Variants in TBC1D32 observed in about 807,000 individuals in gnomAD.
TBC1D32 encodes TBC1 domain family member 32, also known as protein broad-minded.
A neutral mutation model predicts 170.3 loss-of-function variants in TBC1D32; 151 were observed. The ratio of observed to expected loss-of-function variants is 0.89; its 90% CI spans 0.78 to 1.01. TBC1D32 has a LOEUF of 1.01. Among genes scored for constraint, TBC1D32 ranks in the 50% least tolerant of loss-of-function variants. The pLI is 0.00. For synonymous variants in TBC1D32, 498 were observed against 488.0 expected (o/e 1.02, Z -0.27); for missense variants, 1,464 against 1,457.1 (o/e 1.00, Z -0.08).
At chr6:121,305,422 T>A (rs891263410) in intron 5 of TBC1D32, among the ~76,000 whole-genome samples, 1 of 152,040 alleles carries the variant, frequency 6.6e-6, no homozygotes, top group African/African-American at 2.4e-5. Context: ...ATGGTAGCTA[T>A]TATTATCCCT....
intron 22 of TBC1D32, among the ~76,000 whole-genome samples, chr6:121,173,252 C>T (rs1185405059): frequency 6.6e-6 from 1 of 152,146 alleles, no homozygotes; most frequent in Non-Finnish European, 1.5e-5. Context: ...TGGCCTCCAA[C>T]ATTGAACTCC....
Position 121,255,312 on chromosome 6 carries a change from C to T in TBC1D32, c.2018+16G>A, listed in dbSNP as rs748343449. 27 of 1,461,836 alleles carry T rather than the reference C, an allele frequency of 1.8e-5. No individual in the cohort carries two copies. Among genetic ancestry groups the T allele is most frequent in the South Asian group, 2.6e-5 (2 of 76,880 alleles). 90.6% of individuals were successfully genotyped at this position (1,461,836 alleles called of 1,614,324 possible). ...GCAAATATAATAAATGCATGACTTT[C>T]ATCAATTGTACTTACATGTTTTGGG... On this transcript the variant is annotated intron_variant, in intron 17 of 31. Transcript: ENST00000398212.
intron 20 of TBC1D32, among the ~76,000 whole-genome samples, chr6:121,237,774 T>C (rs898369233): frequency 6.6e-6 from 1 of 152,076 alleles, no homozygotes; most frequent in African/African-American, 2.4e-5. Context: ...TCCCTTTATA[T>C]TCTATTTATA....
chr6:121,334,460 A>G lies in TBC1D32; in HGVS notation c.-30T>C. 1 of 1,598,810 alleles carries G rather than the reference A, an allele frequency of 6.3e-7. No homozygotes were observed. The highest frequency in any genetic ancestry group is 8.5e-7 in the Non-Finnish European group (1 of 1,171,992). On this transcript the variant is annotated 5_prime_UTR_variant, in exon 1 of 32. Coordinates refer to ENST00000398212, the MANE Select transcript of TBC1D32 (RefSeq NM_152730.6). ...TTGGAATCAAACGTCCACTCTCATT[A>G]CTCCAGGTCCGAGCAAAAGCCGCGC... is the stretch of plus-strand genomic sequence containing the variant.
intron 12 of TBC1D32, among the ~76,000 whole-genome samples, chr6:121,290,714 G>A (rs370564436): frequency 0.03 from 4,566 of 151,100 alleles, 155 homozygotes; most frequent in East Asian, 0.11. Flanking sequence ...TGTTTATTGC[G>A]GCACTATTCA....
At chr6:121,275,333 C>A (rs1802072604) in intron 15 of TBC1D32, among the ~76,000 whole-genome samples, 1 of 152,152 alleles carries the variant, frequency 6.6e-6, no homozygotes, top group Admixed American at 6.5e-5. Flanking sequence ...AAGAAAGGAA[C>A]TGCTACTTTT....
chr6:121,123,791 T>C (rs190386141), intron 26 of TBC1D32, among the ~76,000 whole-genome samples: 11 of 152,162 alleles, frequency 7.2e-5, no homozygotes, highest in Admixed American at 7.2e-4. Flanking sequence ...GTGACTCCTC[T>C]CTTCCTCTAT....
At chr6:121,317,730 CTAGT>C in intron 2 of TBC1D32, 58 bp from the exon 3 acceptor site, 2 of 1,249,460 alleles carry the variant, frequency 1.6e-6, no homozygotes, top group African/African-American at 1.5e-5. Flanking sequence ...AAACAGTCAA[CTAGT>C]TAAATTATCT....
chr6:121,314,258 C>A (rs13215589), intron 3 of TBC1D32, among the ~76,000 whole-genome samples: 1 of 152,210 alleles, frequency 6.6e-6, no homozygotes, highest in Admixed American at 6.5e-5. Flanking sequence ...ACTGACTCTC[C>A]TGGGTTTCTC....
At chr6:121,256,651 C>G (rs1338061378) in intron 15 of TBC1D32, among the ~76,000 whole-genome samples, 1 of 151,970 alleles carries the variant, frequency 6.6e-6, no homozygotes, top group African/African-American at 2.4e-5. Flanking sequence ...GACTTAGTTC[C>G]CCTATATCAA....
In TBC1D32 at chr6:121,245,461, C is replaced by A. The variant is rs1056984480; in HGVS notation, c.2019-3122G>T. ...GGGATGAAAGAATCTGAATGGCAGG[C>A]CTTGAGTCCCAGATCTTTCTGCTGG... On this transcript the variant is annotated intron_variant, in intron 17 of 31. Coordinates refer to ENST00000398212, the MANE Select transcript of TBC1D32 (RefSeq NM_152730.6). 1.2e-4 allele frequency among the ~76,000 whole-genome samples: 18 copies of A among 152,262 alleles called. No homozygotes were observed. The East Asian group carries it at 3.3e-3, about 28-fold the overall frequency.
chr6:121,123,560 C>T (rs1780510562), intron 26 of TBC1D32, among the ~76,000 whole-genome samples: 1 of 152,030 alleles, frequency 6.6e-6, no homozygotes, highest in Non-Finnish European at 1.5e-5. Flanking sequence ...TTACTCCTAT[C>T]CTTTTATGGC....
intron 3 of TBC1D32, among the ~76,000 whole-genome samples, chr6:121,311,184 A>G (rs1808138542): frequency 6.6e-6 from 1 of 152,134 alleles, no homozygotes; most frequent in South Asian, 2.1e-4. Flanking sequence ...CAAAACAAGT[A>G]AAAAAAGAGC....
intron 17 of TBC1D32, among the ~76,000 whole-genome samples, chr6:121,244,785 A>T (rs1319399662): frequency 2.0e-5 from 3 of 152,172 alleles, no homozygotes; most frequent in Non-Finnish European, 4.4e-5. Flanking sequence ...ATTGGGAGCC[A>T]ATTTGTGGGA....
chr6:121,226,170 G>A lies in TBC1D32; in HGVS notation c.2365-2818C>T, dbSNP rs141425794. Among the ~76,000 whole-genome samples the A allele has an allele frequency of 7.9e-5, 12 of 152,160 alleles. No homozygotes were observed. The East Asian group carries it at 2.3e-3, about 29-fold the overall frequency. ...GTGCCAGCTGCTTATCAGTAATTGT[G>A]CCAAATGCTAACGATAAAAATAGGA... is the stretch of plus-strand genomic sequence containing the variant. On this transcript the variant is annotated intron_variant, in intron 20 of 31. Transcript: ENST00000398212.
intron 17 of TBC1D32, among the ~76,000 whole-genome samples, chr6:121,245,139 A>G (rs1341787796): frequency 6.6e-6 from 1 of 152,200 alleles, no homozygotes; most frequent in Non-Finnish European, 1.5e-5. Context: ...TGTCCACATG[A>G]CAAATCACTA....
intron 22 of TBC1D32, among the ~76,000 whole-genome samples, chr6:121,193,632 G>A (rs1051161620): frequency 4.6e-5 from 7 of 152,228 alleles, no homozygotes; most frequent in African/African-American, 9.6e-5. Context: ...CCTAGCTACC[G>A]TAATGGACAA....
intron 31 of TBC1D32, among the ~76,000 whole-genome samples, chr6:121,082,042 G>A (rs749288093): frequency 6.6e-6 from 1 of 151,966 alleles, no homozygotes; most frequent in Non-Finnish European, 1.5e-5. Flanking sequence ...GTAAGTATCT[G>A]AGCTCTAATC....
At chr6:121,245,769 G>A (rs1172395091) in intron 17 of TBC1D32, among the ~76,000 whole-genome samples, 1 of 151,952 alleles carries the variant, frequency 6.6e-6, no homozygotes, top group Non-Finnish European at 1.5e-5. Context: ...TGCACAAGAG[G>A]GAGAGTGACT....
Sources: allele counts gnomAD v4.1 joint callset (sites outside exome capture counted in the v4.1 genomes callset), GRCh38; gene constraint gnomAD v4.1.1; transcripts MANE v1.5; gene names NCBI Gene and HGNC (gene_info 2026-07-23, HGNC 2026-07-21).